Variants in MAGI2 observed in about 807,000 individuals in gnomAD.
The protein encoded by MAGI2 is membrane-associated guanylate kinase, WW and PDZ domain-containing protein 2.
In MAGI2, 35 loss-of-function variants were observed where a neutral mutation model predicts 133.3. That is an observed-to-expected ratio of 0.26 (90% CI 0.20 to 0.35). The LOEUF (loss-of-function observed/expected upper bound fraction) is 0.35, where lower values mean the gene tolerates loss of function less well. Among genes scored for constraint, MAGI2 ranks in the 10% least tolerant of loss-of-function variants. The probability of loss-of-function intolerance (pLI) is 1.00; values close to 1 mark genes in which losing one functional copy is unlikely to be tolerated. For synonymous variants in MAGI2, 729 were observed against 710.6 expected, an observed-to-expected ratio of 1.03 and a Z score of -0.41; for missense variants, 1,636 against 1,863.4, an observed-to-expected ratio of 0.88 and a Z score of 2.25.
chr7:79,368,896 A>C (rs1426714018), intron 1 of MAGI2, among the ~76,000 whole-genome samples: 1 of 149,442 alleles, frequency 6.7e-6, no homozygotes, highest in Admixed American at 6.7e-5. Flanking sequence ...AAAATCTATT[A>C]GTCACCTAAG....
chr7:78,405,590 T>C (rs1183319879), intron 6 of MAGI2, among the ~76,000 whole-genome samples: 1 of 152,100 alleles, frequency 6.6e-6, no homozygotes, highest in East Asian at 1.9e-4. Flanking sequence ...TAAGCAATTA[T>C]AGAAAATCTT....
At chr7:78,259,064 A>C (rs1793275447) in intron 9 of MAGI2, among the ~76,000 whole-genome samples, 1 of 152,140 alleles carries the variant, frequency 6.6e-6, no homozygotes, top group African/African-American at 2.4e-5. Flanking sequence ...AATTTTTACC[A>C]ATCTAATGGA....
chr7:78,036,733 C>T (rs936920014), intron 21 of MAGI2, among the ~76,000 whole-genome samples: 1 of 152,124 alleles, frequency 6.6e-6, no homozygotes, highest in East Asian at 1.9e-4. Context: ...CCTCCCACCT[C>T]AGCCTCCTGA....
intron 7 of MAGI2, among the ~76,000 whole-genome samples, chr7:78,365,390 A>G (rs1450271046): frequency 6.6e-6 from 1 of 152,204 alleles, no homozygotes; most frequent in Non-Finnish European, 1.5e-5. Flanking sequence ...TATAAATGCG[A>G]AATTTATAGC....
At chr7:79,280,359 G>A (rs2129557902) in intron 1 of MAGI2, among the ~76,000 whole-genome samples, 1 of 152,226 alleles carries the variant, frequency 6.6e-6, no homozygotes, top group Non-Finnish European at 1.5e-5. Flanking sequence ...TGACAACCAG[G>A]TGGTAGGGTT....
At chr7:79,023,018 G>A (rs1809500288) in intron 1 of MAGI2, among the ~76,000 whole-genome samples, 1 of 152,058 alleles carries the variant, frequency 6.6e-6, no homozygotes, top group Admixed American at 6.6e-5. Flanking sequence ...TAAAAACTTA[G>A]CAGAGACACA....
At chr7:78,455,095 T>C (rs73148393) in intron 6 of MAGI2, among the ~76,000 whole-genome samples, 9,740 of 152,178 alleles carry the variant, frequency 0.064, 406 homozygotes, top group South Asian at 0.16. Flanking sequence ...AATATTGGCT[T>C]ATCAAATGTA....
At chr7:79,009,685 C>T (rs376524547) in intron 1 of MAGI2, among the ~76,000 whole-genome samples, 16 of 152,128 alleles carry the variant, frequency 1.1e-4, no homozygotes, top group African/African-American at 3.6e-4. Context: ...CAATCATTCT[C>T]CACTTTCCTA....
intron 2 of MAGI2, among the ~76,000 whole-genome samples, chr7:78,994,081 C>T (rs1806056106): frequency 6.6e-6 from 1 of 151,966 alleles, no homozygotes; most frequent in East Asian, 1.9e-4. Flanking sequence ...TAAGTTTTGT[C>T]AACTTGTGTC....
chr7:79,137,450 GT>G (rs376997399), intron 1 of MAGI2, among the ~76,000 whole-genome samples: 4,687 of 133,262 alleles, frequency 0.035, 234 homozygotes, highest in African/African-American at 0.12. Flanking sequence ...GGTGTTTTTT[GT>G]TTTTTTTTTT....
chr7:78,445,197 C>T (rs10237632), intron 6 of MAGI2, among the ~76,000 whole-genome samples: 130,455 of 151,954 alleles, frequency 0.86, 56,266 homozygotes, highest in Middle Eastern at 0.94. Context: ...TGAATCTCTT[C>T]CAGTGCCTTG....
chr7:78,892,508 C>T (rs1796849768), intron 2 of MAGI2, among the ~76,000 whole-genome samples: 1 of 152,096 alleles, frequency 6.6e-6, no homozygotes, highest in Non-Finnish European at 1.5e-5. Context: ...ACCAAAACAG[C>T]ATGGTACTGG....
chr7:78,728,950 AG>A (rs1268364746), intron 2 of MAGI2, among the ~76,000 whole-genome samples: 1 of 152,148 alleles, frequency 6.6e-6, no homozygotes, highest in Non-Finnish European at 1.5e-5. Context: ...ATTTTCTCAC[AG>A]GGTACAACTA....
intron 1 of MAGI2, among the ~76,000 whole-genome samples, chr7:79,059,046 A>G (rs1215913860): frequency 1.3e-5 from 2 of 152,258 alleles, no homozygotes; most frequent in African/African-American, 2.4e-5. Context: ...TAAGCAATAA[A>G]GAGTAAAATA....
At chr7:78,576,829 T>C (rs1802315257) in intron 3 of MAGI2, among the ~76,000 whole-genome samples, 1 of 152,210 alleles carries the variant, frequency 6.6e-6, no homozygotes, top group South Asian at 2.1e-4. Context: ...CTGGGTGCAG[T>C]GGCTCATGCC....
At chr7:79,330,067 A>C (rs1448803444) in intron 1 of MAGI2, among the ~76,000 whole-genome samples, 1 of 152,110 alleles carries the variant, frequency 6.6e-6, no homozygotes, top group Admixed American at 6.5e-5. Flanking sequence ...GTTGCATATT[A>C]AAACCTAGAC....
chr7:79,195,053 G>A (rs919064647), intron 1 of MAGI2, among the ~76,000 whole-genome samples: 12 of 151,940 alleles, frequency 7.9e-5, no homozygotes, highest in African/African-American at 2.2e-4. Flanking sequence ...TGACTTTTTC[G>A]ATACTTTCTA....
chr7:78,236,620 A>G (rs1356985788), intron 10 of MAGI2, among the ~76,000 whole-genome samples: 1 of 152,176 alleles, frequency 6.6e-6, no homozygotes, highest in Non-Finnish European at 1.5e-5. Context: ...TTATACTGAT[A>G]ACTGATGAAG....
intron 2 of MAGI2, among the ~76,000 whole-genome samples, chr7:78,637,799 A>T (rs1809837414): frequency 6.6e-6 from 1 of 152,194 alleles, no homozygotes; most frequent in South Asian, 2.1e-4. Flanking sequence ...TGTGAGAAAT[A>T]TCATTTAAAA....
Sources: allele counts gnomAD v4.1 joint callset (sites outside exome capture counted in the v4.1 genomes callset), GRCh38; gene constraint gnomAD v4.1.1; transcripts MANE v1.5; gene names NCBI Gene and HGNC (gene_info 2026-07-23, HGNC 2026-07-21).